GNL2: variants seen among roughly 807,000 people sequenced by gnomAD.
GNL2 encodes the protein nucleolar GTP-binding protein 2.
A neutral mutation model predicts 92.3 loss-of-function variants in GNL2; 51 were observed. The ratio of observed to expected loss-of-function variants is 0.55; its 90% CI spans 0.44 to 0.70. The LOEUF (loss-of-function observed/expected upper bound fraction) is 0.70, where lower values mean the gene tolerates loss of function less well. Ranked by LOEUF, GNL2 falls within the 30% of genes least tolerant of loss-of-function variation. The probability of loss-of-function intolerance (pLI) is 0.00; values close to 1 mark genes in which losing one functional copy is unlikely to be tolerated. For missense variants in GNL2, 844 were observed against 895.6 expected (o/e 0.94, Z 0.74); for synonymous variants, 283 against 300.6 (o/e 0.94, Z 0.61).
chr1:37,590,644 G>A, intron 4 of GNL2, 62 bp downstream of exon 4: 1 of 1,322,140 alleles, frequency 7.6e-7, no homozygotes, highest in Non-Finnish European at 1.1e-6. Flanking sequence ...AAATATGTTA[G>A]AGAGGGATCT....
chr1:37,592,580 C>A (rs1346718965), intron 3 of GNL2, 132 bp downstream of exon 3: 1 of 617,154 alleles, frequency 1.6e-6, no homozygotes, highest in Non-Finnish European at 2.9e-6. Flanking sequence ...AGTAATTCTT[C>A]TTATCCCTTT....
chr1:37,579,463 C>G (rs1643730177), intron 8 of GNL2, among the ~76,000 whole-genome samples: 1 of 151,650 alleles, frequency 6.6e-6, no homozygotes, highest in African/African-American at 2.4e-5. Context: ...AGGAGAATTG[C>G]TTGAACCTGG....
In GNL2 at chr1:37,566,991, C is replaced by T. The variant is rs750863052; in HGVS notation, c.2060G>A (p.Arg687Gln). The T allele has an allele frequency of 6.2e-5, 100 of 1,612,928 alleles. 2 individuals are homozygous for T. In the South Asian group the frequency reaches 9.8e-4, roughly 16 times the overall value. ...LTSKERRRAV[R>Q]QQRPKKVGVR... ...ACCAACTTTTTTCGGCCGTTGCTGT[C>T]GTACTGCTCGCCTCCGCTGTAAAAA... is the stretch of plus-strand genomic sequence containing the variant. The change falls in exon 16 of 16, where the codon CGA (arginine) becomes CAA (glutamine). Residue 687 changes from arginine (R) to glutamine (Q), a missense_variant. Physicochemically the swap from Arg to Gln is conservative, Grantham distance 43 (BLOSUM62 1). Coordinates refer to ENST00000373062, the MANE Select transcript of GNL2 (RefSeq NM_013285.3).
chr1:37,584,997 G>A (rs1643829724), intron 5 of GNL2, among the ~76,000 whole-genome samples: 1 of 150,402 alleles, frequency 6.6e-6, no homozygotes, highest in African/African-American at 2.4e-5. Flanking sequence ...CTGGAGAATC[G>A]CTTGAACCCG....
At chr1:37,589,595 G>A (rs754334221) in intron 4 of GNL2, among the ~76,000 whole-genome samples, 3 of 152,180 alleles carry the variant, frequency 2.0e-5, no homozygotes, top group South Asian at 2.1e-4. Flanking sequence ...GTGAGCCACC[G>A]CGCCCAGCCT....
At chr1:37,584,326 G>C (rs182390630) in intron 5 of GNL2, among the ~76,000 whole-genome samples, 52 of 152,122 alleles carry the variant, frequency 3.4e-4, no homozygotes, top group African/African-American at 1.2e-3. Flanking sequence ...GTGCATGCCT[G>C]TAATCCCAGC....
intron 5 of GNL2, among the ~76,000 whole-genome samples, chr1:37,585,038 C>T (rs779053696): frequency 2.9e-4 from 43 of 148,422 alleles, no homozygotes; most frequent in Non-Finnish European, 6.3e-4. Context: ...GCCGAGATCA[C>T]ATCAAATGGT....
intron 1 of GNL2, 100 bp downstream of exon 1, chr1:37,595,659 C>A: frequency 1.0e-6 from 1 of 974,316 alleles, no homozygotes; most frequent in Non-Finnish European, 1.6e-6. Context: ...TCATTCTAAG[C>A]AATGCCACTC....
In GNL2 at chr1:37,568,777, T is replaced by C. The variant is rs1643547529; in HGVS notation, c.1868+74A>G. On this transcript the variant is annotated intron_variant, in intron 13 of 15. Coordinates refer to ENST00000373062, the MANE Select transcript of GNL2 (RefSeq NM_013285.3). ...ATGGCAATAACCCCATGTAAAAATA[T>C]GGCTCTGGTACTCATGGCAAATTTT... is the stretch of plus-strand genomic sequence containing the variant. The C allele has an allele frequency of 9.8e-6, 10 of 1,022,658 alleles. No individual in the cohort carries two copies. The South Asian group carries it at 1.3e-4, about 14-fold the overall frequency. 63.3% of individuals were successfully genotyped at this position (1,022,658 alleles called of 1,614,324 possible).
rs1643669667 is a variant in GNL2, at chr1:37,575,862, C to T, written c.1039-163G>A. Among the ~76,000 whole-genome samples, 2 of 152,204 alleles carry T rather than the reference C, an allele frequency of 1.3e-5. No homozygotes were observed. The highest frequency in any genetic ancestry group is 6.5e-5 in the Admixed American group (1 of 15,282). ...TACTAACTCTCTCATCTGTGCCGTG[C>T]ACAAGATACTTCCACTAAGTGTAAA... is the stretch of plus-strand genomic sequence containing the variant. On this transcript the variant is annotated intron_variant, in intron 9 of 15. Coordinates refer to ENST00000373062, the MANE Select transcript of GNL2 (RefSeq NM_013285.3). The surrounding 1 kb of genome is among the most constrained non-coding windows in gnomAD (Gnocchi z 4.1).
chr1:37,585,205 T>C (rs1643833934), intron 5 of GNL2, among the ~76,000 whole-genome samples: 1 of 151,606 alleles, frequency 6.6e-6, no homozygotes. Context: ...ACTACAGGTG[T>C]GCGCCCCTGC....
intron 12 of GNL2, among the ~76,000 whole-genome samples, chr1:37,571,899 C>T (rs1022038265): frequency 1.3e-5 from 2 of 152,152 alleles, no homozygotes; most frequent in African/African-American, 2.4e-5. Context: ...CAGCTGCTAA[C>T]TCAAAACCTC....
In GNL2 at chr1:37,575,645, C is replaced by T; in HGVS notation, c.1093G>A (p.Val365Met). ...RRIFLIDCPG[V>M]VYPSEDSETD... ...TCGGAGTCCTCAGAGGGGTAAACCA[C>T]ACCTGGACAGTCAATCAGGAATATC... Residue 365 changes from valine to methionine, a missense_variant, in exon 10 of 16, where the codon GTG (valine) becomes ATG (methionine). Coordinates refer to ENST00000373062, the MANE Select transcript of GNL2 (RefSeq NM_013285.3). This position sits in a 1 kb window ranked among gnomAD's most constrained non-coding sequence, Gnocchi z 4.1. 6.2e-7 allele frequency: 1 copy of T among 1,602,058 alleles called. No individual in the cohort carries two copies. The highest frequency in any genetic ancestry group is 8.5e-7 in the Non-Finnish European group (1 of 1,176,228).
intron 13 of GNL2, 98 bp from the exon 14 acceptor site, chr1:37,568,455 A>G: frequency 5.5e-6 from 4 of 731,762 alleles, no homozygotes; most frequent in Non-Finnish European, 9.7e-6. Context: ...AAGAAACCCC[A>G]CTCCTATCCA....
chr1:37,582,665 G>C (rs1177167661), intron 7 of GNL2, 113 bp downstream of exon 7: 8 of 916,522 alleles, frequency 8.7e-6, no homozygotes, highest in South Asian at 5.0e-5. Flanking sequence ...TTTCCAATGA[G>C]AGCACTCCCA....
chr1:37,593,965 A>G, intron 1 of GNL2, 119 bp from the exon 2 acceptor site: 1 of 653,504 alleles, frequency 1.5e-6, no homozygotes. Context: ...ACCAACCACA[A>G]AAATCTCTAC....
intron 6 of GNL2, 114 bp from the exon 7 acceptor site, chr1:37,583,050 G>C: frequency 1.5e-6 from 1 of 658,930 alleles, no homozygotes; most frequent in Non-Finnish European, 2.4e-6. Flanking sequence ...CTTCAAAACA[G>C]TCTCTGGGCA....
At chr1:37,579,185 G>C (rs1482551902) in intron 8 of GNL2, among the ~76,000 whole-genome samples, 1 of 152,114 alleles carries the variant, frequency 6.6e-6, no homozygotes, top group Non-Finnish European at 1.5e-5. Flanking sequence ...TTCAACAAGA[G>C]CTCTCAGAAA....
At chr1:37,567,631 A>T in intron 15 of GNL2, 42 bp downstream of exon 15, 1 of 1,274,520 alleles carries the variant, frequency 7.8e-7, no homozygotes, top group Non-Finnish European at 1.1e-6. Context: ...CTGGAGTTCT[A>T]GTTACTCTAC....
Sources: gnomAD v4.1 joint callset for allele counts (sites outside exome capture counted in the v4.1 genomes callset) on GRCh38, gnomAD v4.1.1 for gene constraint, Gnocchi (gnomAD v3.1) non-coding constraint, MANE v1.5 for transcripts, NCBI Gene and HGNC (gene_info 2026-07-23, HGNC 2026-07-21) for gene names.